The following KCNN2 variants were observed in gnomAD, a reference collection of about 807,000 sequenced individuals.
The protein encoded by KCNN2 is potassium calcium-activated channel subfamily N member 2.
In KCNN2, 24 loss-of-function variants were observed where a neutral mutation model predicts 55.5. The observed-to-expected ratio is 0.43, with a 90% confidence interval of 0.31 to 0.61. The LOEUF is 0.61. Ranked by LOEUF, KCNN2 falls within the 20% of genes least tolerant of loss-of-function variation. The probability of loss-of-function intolerance (pLI) is 0.08; values close to 1 mark genes in which losing one functional copy is unlikely to be tolerated. For synonymous variants in KCNN2, 431 were observed against 336.1 expected, an observed-to-expected ratio of 1.28 and a Z score of -3.09; for missense variants, 754 against 853.6, an observed-to-expected ratio of 0.88 and a Z score of 1.45.
At chr5:114,137,721 C>A (rs1216597190) in intron 1 of KCNN2, among the ~76,000 whole-genome samples, 1 of 151,810 alleles carries the variant, frequency 6.6e-6, no homozygotes, top group Non-Finnish European at 1.5e-5. Flanking sequence ...CAAAAAGTAG[C>A]TCCAATAATG....
Position 114,363,219 on chromosome 5 carries a change from C to A in KCNN2, c.1080C>A (p.Val360=). 6.2e-7 allele frequency: 1 copy of A among 1,613,130 alleles called. No homozygotes were observed. The highest frequency in any genetic ancestry group is 1.3e-5 in the African/African-American group (1 of 75,070). The change falls in exon 1 of 8, where the codon GTC becomes GTA. Residue 360 remains valine, a synonymous_variant. Coordinates refer to ENST00000673685, the MANE Select transcript of KCNN2 (RefSeq NM_021614.4). ...ALIFGMFGIV[V]MVIETELSWG... Reference sequence around the variant, plus strand: ...TCTTCGGCATGTTCGGCATCGTGGTCATGGTCATCGAGACCGAGCTGTCGT... The same window carrying A: ...TCTTCGGCATGTTCGGCATCGTGGTAATGGTCATCGAGACCGAGCTGTCGT...
Position 114,431,293 on chromosome 5 carries a change from T to A in KCNN2, c.1637+26437T>A, listed in dbSNP as rs115038677. ...ATAGATATGGGCCTCTTTAGTTACT[T>A]TTTTTTTCTTGTGTGATTTTTGGCA... On this transcript the variant is annotated intron_variant, in intron 3 of 7. Coordinates refer to ENST00000673685, the MANE Select transcript of KCNN2 (RefSeq NM_021614.4). Among the ~76,000 whole-genome samples, 589 of 152,016 alleles carry A rather than the reference T, an allele frequency of 3.9e-3. 5 individuals carry two copies. The highest frequency in any genetic ancestry group is 0.014 in the African/African-American group (564 of 41,510).
At chr5:114,271,473 A>C (rs1399527726) in intron 2 of KCNN2, among the ~76,000 whole-genome samples, 1 of 152,214 alleles carries the variant, frequency 6.6e-6, no homozygotes, top group Non-Finnish European at 1.5e-5. Context: ...AATAGTGTAA[A>C]AACTTGAAAA....
intron 1 of KCNN2, among the ~76,000 whole-genome samples, chr5:114,089,806 C>T (rs917083438): frequency 4.6e-5 from 7 of 152,094 alleles, no homozygotes; most frequent in African/African-American, 2.4e-5. Flanking sequence ...TTAAACCATT[C>T]CTGATAAGAG....
At chr5:114,087,837 C>T (rs1358773356) in intron 1 of KCNN2, among the ~76,000 whole-genome samples, 1 of 151,834 alleles carries the variant, frequency 6.6e-6, no homozygotes, top group Admixed American at 6.6e-5. Flanking sequence ...CACTGTCTAC[C>T]TTTAAATAAT....
chr5:114,083,105 T>C (rs748169084), intron 1 of KCNN2, among the ~76,000 whole-genome samples: 20 of 152,142 alleles, frequency 1.3e-4, no homozygotes, highest in African/African-American at 4.8e-4. Flanking sequence ...AAAAAATATT[T>C]GTAATATAGC....
At chr5:114,268,141 G>T (rs1012903526) in intron 2 of KCNN2, among the ~76,000 whole-genome samples, 2 of 152,168 alleles carry the variant, frequency 1.3e-5, no homozygotes, top group African/African-American at 4.8e-5. Context: ...ATGCATTCTG[G>T]TAAACCATCT....
intron 2 of KCNN2, among the ~76,000 whole-genome samples, chr5:114,279,325 A>C (rs553582453): frequency 4.6e-5 from 7 of 151,966 alleles, no homozygotes; most frequent in African/African-American, 1.7e-4. Flanking sequence ...ATTATACTTT[A>C]AGTTTTAGGG....
intron 2 of KCNN2, among the ~76,000 whole-genome samples, chr5:114,236,473 A>G (rs1754494789): frequency 6.6e-6 from 1 of 152,122 alleles, no homozygotes; most frequent in Non-Finnish European, 1.5e-5. Context: ...ACATATAGCT[A>G]CTAAAATAAT....
intron 2 of KCNN2, among the ~76,000 whole-genome samples, chr5:114,244,310 A>G (rs1379514632): frequency 7.1e-6 from 1 of 141,610 alleles, no homozygotes; most frequent in African/African-American, 2.6e-5. Context: ...TTGCTTGTTT[A>G]TTTAAAAAAA....
chr5:114,287,090 C>T (rs1490500909), intron 2 of KCNN2, among the ~76,000 whole-genome samples: 3 of 152,270 alleles, frequency 2.0e-5, no homozygotes, highest in East Asian at 3.9e-4. Context: ...ATGCAGAAGA[C>T]GCCCATGGAC....
At chr5:114,067,720 C>T (rs1192760735) in intron 1 of KCNN2, among the ~76,000 whole-genome samples, 1 of 152,150 alleles carries the variant, frequency 6.6e-6, no homozygotes, top group Non-Finnish European at 1.5e-5. Context: ...TGTGTGTATT[C>T]ATACCCCACT....
Position 114,438,823 on chromosome 5 carries a change from C to T in KCNN2, c.1638-24226C>T, listed in dbSNP as rs188464120. On this transcript the variant is annotated intron_variant, in intron 3 of 7. Coordinates refer to ENST00000673685, the MANE Select transcript of KCNN2 (RefSeq NM_021614.4). ...TGAAAACTCCCGTTGCTCTTACGAA[C>T]TGGACAACTAAAGCTGCAAAACCCT... 2.5e-3 allele frequency among the ~76,000 whole-genome samples: 380 copies of T among 152,298 alleles called. 2 individuals are homozygous for T. The highest frequency in any genetic ancestry group is 8.9e-3 in the African/African-American group (369 of 41,570).
chr5:114,342,929 T>G (rs1305538008), intron 2 of KCNN2, among the ~76,000 whole-genome samples: 1 of 152,156 alleles, frequency 6.6e-6, no homozygotes, highest in Non-Finnish European at 1.5e-5. Flanking sequence ...GCCATGGTGG[T>G]TTGCCGTACA....
chr5:114,203,401 C>G (rs1462120772), intron 1 of KCNN2, among the ~76,000 whole-genome samples: 1 of 151,512 alleles, frequency 6.6e-6, no homozygotes, highest in East Asian at 1.9e-4. Flanking sequence ...TCTCATTTTA[C>G]TCAAAGAAAA....
intron 1 of KCNN2, among the ~76,000 whole-genome samples, chr5:114,100,334 T>C (rs890272507): frequency 6.6e-6 from 1 of 152,148 alleles, no homozygotes; most frequent in East Asian, 1.9e-4. Flanking sequence ...TGGAATATAT[T>C]TTAAAAGTAA....
intron 3 of KCNN2, among the ~76,000 whole-genome samples, chr5:114,439,802 T>C (rs182135658): frequency 6.6e-6 from 1 of 152,278 alleles, no homozygotes; most frequent in Admixed American, 6.5e-5. Context: ...CACCCTTGAT[T>C]CCCAGGCTGG....
intron 1 of KCNN2, among the ~76,000 whole-genome samples, chr5:114,157,424 G>T (rs1267686947): frequency 2.0e-5 from 3 of 152,020 alleles, no homozygotes; most frequent in Non-Finnish European, 4.4e-5. Context: ...ATTTGGGTTG[G>T]TTCCAAGTCT....
intron 2 of KCNN2, among the ~76,000 whole-genome samples, chr5:114,368,505 C>G (rs1757670443): frequency 1.3e-5 from 2 of 152,084 alleles, no homozygotes; most frequent in Admixed American, 6.5e-5. Flanking sequence ...TCCCTGTCTA[C>G]TAGTAGGCTC....
Sources: allele counts gnomAD v4.1 joint callset (sites outside exome capture counted in the v4.1 genomes callset), GRCh38; gene constraint gnomAD v4.1.1; transcripts MANE v1.5; gene names NCBI Gene and HGNC (gene_info 2026-07-23, HGNC 2026-07-21).